The following CADPS variants were observed in gnomAD, a reference collection of about 807,000 sequenced individuals.
The protein encoded by CADPS is calcium-dependent secretion activator 1.
Under a neutral mutation model 167.3 loss-of-function variants are expected in CADPS, and 57 were observed. The ratio of observed to expected loss-of-function variants is 0.34; its 90% confidence interval spans 0.28 to 0.42. CADPS has a LOEUF of 0.42. Among genes scored for constraint, CADPS ranks in the 20% least tolerant of loss-of-function variants. The probability of loss-of-function intolerance (pLI) is 1.00; values close to 1 mark genes in which losing one functional copy is unlikely to be tolerated. For missense variants in CADPS, 1,414 were observed against 1,738.1 expected (o/e 0.81, Z 3.32); for synonymous variants, 676 against 635.3 (o/e 1.06, Z -0.96).
chr3:62,493,797 G>T, intron 18 of CADPS, 132 bp from the exon 19 acceptor site: 1 of 715,700 alleles, frequency 1.4e-6, no homozygotes, highest in Non-Finnish European at 2.4e-6. Context: ...AATGGGAGAG[G>T]GGAGATGCTG....
intron 26 of CADPS, among the ~76,000 whole-genome samples, chr3:62,460,996 C>T (rs2059271060): frequency 6.6e-6 from 1 of 152,152 alleles, no homozygotes; most frequent in Admixed American, 6.5e-5. Context: ...TCAGACAGAA[C>T]TTGATAAGGT....
chr3:62,874,515 C>G lies in CADPS; in HGVS notation c.441+74G>C, dbSNP rs1291066724. The G allele has an allele frequency of 2.5e-6, 3 of 1,188,896 alleles. No homozygotes were observed. In the African/African-American group the frequency reaches 4.6e-5, roughly 18 times the overall value. The allele number at this position is 1,188,896 out of a possible 1,614,324, so 73.6% of individuals were successfully genotyped here. On this transcript the variant is annotated intron_variant, in intron 1 of 29. Coordinates refer to ENST00000383710, the MANE Select transcript of CADPS (RefSeq NM_003716.4). This position sits in a 1 kb window ranked among gnomAD's most constrained non-coding sequence, Gnocchi z 7.1. The stretch of plus-strand genomic sequence containing the variant: ...CTGCTCCTCCTCGCCAGCTGCGCCG[C>G]CAGCTCCCATTGTTCACCCCGCCCG...
intron 1 of CADPS, among the ~76,000 whole-genome samples, chr3:62,832,472 C>T (rs746841750): frequency 6.6e-6 from 1 of 152,190 alleles, no homozygotes; most frequent in Non-Finnish European, 1.5e-5. Context: ...GATAAAGACA[C>T]TACCACTGCA....
intron 11 of CADPS, among the ~76,000 whole-genome samples, chr3:62,541,903 A>C (rs2075757653): frequency 6.6e-6 from 1 of 152,194 alleles, no homozygotes; most frequent in South Asian, 2.1e-4. Context: ...TTTTAGATAG[A>C]CTTGCAATAA....
chr3:62,655,567 C>G (rs984251384), intron 4 of CADPS, among the ~76,000 whole-genome samples: 1 of 152,124 alleles, frequency 6.6e-6, no homozygotes, highest in African/African-American at 2.4e-5. Flanking sequence ...TTTGAAAGTT[C>G]TAATGCCTCC....
intron 22 of CADPS, among the ~76,000 whole-genome samples, chr3:62,481,085 A>C (rs1678530388): frequency 6.6e-6 from 1 of 152,208 alleles, no homozygotes; most frequent in Non-Finnish European, 1.5e-5. Flanking sequence ...TTCGAGAATT[A>C]TTGAACTTCT....
chr3:62,428,662 G>A (rs928805206), intron 28 of CADPS, among the ~76,000 whole-genome samples: 4 of 152,248 alleles, frequency 2.6e-5, no homozygotes, highest in African/African-American at 9.6e-5. Flanking sequence ...TACTCATCGC[G>A]TTTTTGTGTG....
chr3:62,665,748 T>C (rs903847269), intron 3 of CADPS, among the ~76,000 whole-genome samples: 4 of 152,174 alleles, frequency 2.6e-5, no homozygotes, highest in African/African-American at 9.7e-5. Flanking sequence ...AATGGGTGTG[T>C]CCTTATCCTG....
At chr3:62,577,525 T>C (rs2082519149) in intron 8 of CADPS, among the ~76,000 whole-genome samples, 1 of 152,064 alleles carries the variant, frequency 6.6e-6, no homozygotes. Context: ...TCAGCTATCT[T>C]ATAGCAGCCC....
At chr3:62,645,866 T>C (rs772558590) in intron 5 of CADPS, 23 bp from the exon 6 acceptor site, 11 of 1,613,612 alleles carry the variant, frequency 6.8e-6, no homozygotes, top group Admixed American at 6.7e-5. Flanking sequence ...TTCCACATAA[T>C]GGAGGTTATT....
intron 1 of CADPS, among the ~76,000 whole-genome samples, chr3:62,817,871 A>C (rs1174402452): frequency 6.6e-6 from 1 of 152,178 alleles, no homozygotes; most frequent in Non-Finnish European, 1.5e-5. Flanking sequence ...GTGGCCTTCC[A>C]AGTTCAAATG....
At chr3:62,497,237 C>G (rs537294342) in intron 18 of CADPS, among the ~76,000 whole-genome samples, 1 of 152,252 alleles carries the variant, frequency 6.6e-6, no homozygotes, top group East Asian at 1.9e-4. Context: ...TAGCAGCCTC[C>G]AAAAATAACT....
intron 6 of CADPS, chr3:62,626,466 T>A: frequency 1.4e-6 from 1 of 701,616 alleles, no homozygotes; most frequent in South Asian, 1.5e-5. Flanking sequence ...GTACTGTGAC[T>A]CTTCAAGCAC....
At chr3:62,679,454 T>C (rs1233191231) in intron 3 of CADPS, among the ~76,000 whole-genome samples, 2 of 151,948 alleles carry the variant, frequency 1.3e-5, no homozygotes, top group African/African-American at 2.4e-5. Context: ...GTCCCAGAGA[T>C]GGGAGCTTAT....
At chr3:62,518,082 T>C in intron 14 of CADPS, 67 bp downstream of exon 14, 1 of 1,077,368 alleles carries the variant, frequency 9.3e-7, no homozygotes, top group Non-Finnish European at 1.4e-6. Context: ...TTTGGAAAAT[T>C]AAGTCCTTTA....
intron 11 of CADPS, among the ~76,000 whole-genome samples, chr3:62,541,093 A>G (rs186827787): frequency 5.7e-4 from 87 of 152,300 alleles, no homozygotes; most frequent in Non-Finnish European, 1.0e-3. Flanking sequence ...TGATGTTTGG[A>G]TGATCTCTTG....
chr3:62,562,142 C>T (rs1421202823), intron 9 of CADPS, among the ~76,000 whole-genome samples: 1 of 152,134 alleles, frequency 6.6e-6, no homozygotes, highest in African/African-American at 2.4e-5. Context: ...GGTGGTTGGG[C>T]AAGGAATTCC....
At chr3:62,449,199 G>A (rs1171129065) in intron 26 of CADPS, among the ~76,000 whole-genome samples, 2 of 152,198 alleles carry the variant, frequency 1.3e-5, no homozygotes, top group African/African-American at 4.8e-5. Flanking sequence ...GGCCATTTCT[G>A]GTGATAGAGA....
chr3:62,757,206 C>T (rs2084157221), intron 2 of CADPS, among the ~76,000 whole-genome samples: 1 of 152,126 alleles, frequency 6.6e-6, no homozygotes, highest in African/African-American at 2.4e-5. Context: ...AAGCTATATT[C>T]TCCTCTACAT....
Sources: gnomAD v4.1 joint callset for allele counts (sites outside exome capture counted in the v4.1 genomes callset) on GRCh38, gnomAD v4.1.1 for gene constraint, Gnocchi (gnomAD v3.1) non-coding constraint, MANE v1.5 for transcripts, NCBI Gene and HGNC (gene_info 2026-07-23, HGNC 2026-07-21) for gene names.